Variants in LAMA2 observed in about 807,000 individuals in gnomAD.
LAMA2 encodes the protein laminin subunit alpha-2.
In LAMA2, 269 loss-of-function variants were observed where a neutral mutation model predicts 364.8. The observed-to-expected ratio is 0.74, with a 90% CI of 0.67 to 0.82. The LOEUF (loss-of-function observed/expected upper bound fraction) is 0.82, where lower values mean the gene tolerates loss of function less well. Among genes scored for constraint, LAMA2 ranks in the 40% least tolerant of loss-of-function variants. The pLI is 0.00. For missense variants in LAMA2, 3,807 were observed against 3,873.2 expected, an observed-to-expected ratio of 0.98 and a Z score of 0.45; for synonymous variants, 1,379 against 1,370.6, an observed-to-expected ratio of 1.01 and a Z score of -0.14.
chr6:129,135,185 C>A (rs1027869538), intron 4 of LAMA2, among the ~76,000 whole-genome samples: 1 of 151,820 alleles, frequency 6.6e-6, no homozygotes, highest in Non-Finnish European at 1.5e-5. Flanking sequence ...AACAGGAGGA[C>A]GATAAAGAGG....
intron 18 of LAMA2, among the ~76,000 whole-genome samples, chr6:129,282,265 C>T (rs999618325): frequency 6.6e-6 from 1 of 152,184 alleles, no homozygotes; most frequent in Non-Finnish European, 1.5e-5. Context: ...CTCAGCATTT[C>T]CTAAACTTAT....
chr6:129,434,664 G>T (rs1189979293), intron 41 of LAMA2, among the ~76,000 whole-genome samples: 1 of 152,082 alleles, frequency 6.6e-6, no homozygotes, highest in Non-Finnish European at 1.5e-5. Flanking sequence ...TGAATCACAA[G>T]AGTTCTTTCT....
At chr6:129,203,142 T>C (rs961830240) in intron 12 of LAMA2, among the ~76,000 whole-genome samples, 2 of 152,222 alleles carry the variant, frequency 1.3e-5, no homozygotes, top group Non-Finnish European at 2.9e-5. Context: ...TAAAAAAGGC[T>C]TGCTTCTCCA....
chr6:129,095,964 A>G (rs1295144825), intron 3 of LAMA2, among the ~76,000 whole-genome samples: 1 of 151,644 alleles, frequency 6.6e-6, no homozygotes, highest in Non-Finnish European at 1.5e-5. Context: ...CCTGGCCTCC[A>G]CAAGCCCACA....
At chr6:129,156,982 G>A (rs943533412) in intron 8 of LAMA2, among the ~76,000 whole-genome samples, 14 of 152,092 alleles carry the variant, frequency 9.2e-5, no homozygotes, top group Admixed American at 2.6e-4. Flanking sequence ...GAATCCTGGC[G>A]TGCATGTGCA....
chr6:129,395,953 T>C (rs560982709), intron 37 of LAMA2, among the ~76,000 whole-genome samples: 1 of 152,212 alleles, frequency 6.6e-6, no homozygotes, highest in African/African-American at 2.4e-5. Flanking sequence ...AAAGAGAAGA[T>C]AGGCAGAGTG....
chr6:129,282,060 A>T (rs1788754223), intron 18 of LAMA2, among the ~76,000 whole-genome samples: 1 of 152,146 alleles, frequency 6.6e-6, no homozygotes, highest in African/African-American at 2.4e-5. Flanking sequence ...TCTGTAAGTG[A>T]TTTGTGTGAT....
intron 3 of LAMA2, among the ~76,000 whole-genome samples, chr6:129,095,679 G>C (rs1437618427): frequency 6.6e-6 from 1 of 151,512 alleles, no homozygotes; most frequent in East Asian, 1.9e-4. Flanking sequence ...GTGAGGCTGA[G>C]GCAAGTGGAT....
At chr6:129,356,901 T>C (rs1224146144) in intron 32 of LAMA2, among the ~76,000 whole-genome samples, 2 of 152,138 alleles carry the variant, frequency 1.3e-5, no homozygotes, top group Non-Finnish European at 2.9e-5. Context: ...GTAGAGACTG[T>C]CTTCTATGCA....
chr6:129,465,024 A>C, intron 50 of LAMA2, 121 bp from the exon 51 acceptor site: 1 of 813,000 alleles, frequency 1.2e-6, no homozygotes, highest in Non-Finnish European at 2.1e-6. Context: ...GGATTTCTGC[A>C]ACAGAGTGAC....
At chr6:129,164,452 T>C (rs531394760) in intron 8 of LAMA2, among the ~76,000 whole-genome samples, 1 of 152,334 alleles carries the variant, frequency 6.6e-6, no homozygotes, top group East Asian at 1.9e-4. Context: ...TAATTTATCA[T>C]CTCTACAGGA....
chr6:129,485,080 AT>A (rs1366916594), intron 55 of LAMA2, among the ~76,000 whole-genome samples: 1 of 152,158 alleles, frequency 6.6e-6, no homozygotes, highest in East Asian at 1.9e-4. Flanking sequence ...GCCCTCGTCA[AT>A]TTTTTTGTTT....
chr6:129,486,764 C>T (rs1256895485), intron 56 of LAMA2, 142 bp downstream of exon 56: 1 of 812,178 alleles, frequency 1.2e-6, no homozygotes. Flanking sequence ...TTAATTCCCT[C>T]TTCTTTACTT....
chr6:129,245,526 A>G (rs762710859), intron 12 of LAMA2, among the ~76,000 whole-genome samples: 9 of 152,194 alleles, frequency 5.9e-5, no homozygotes, highest in Non-Finnish European at 1.2e-4. Flanking sequence ...TCGTAAAATT[A>G]ATAAATGAGT....
chr6:129,380,495 AT>A (rs1778620160), intron 34 of LAMA2, among the ~76,000 whole-genome samples: 2 of 152,140 alleles, frequency 1.3e-5, no homozygotes, highest in Admixed American at 1.3e-4. Flanking sequence ...AGGTGAGCCA[AT>A]TACTAAGTAA....
intron 1 of LAMA2, among the ~76,000 whole-genome samples, chr6:128,889,979 C>T (rs536329694): frequency 1.9e-4 from 29 of 152,192 alleles, no homozygotes; most frequent in Admixed American, 5.9e-4. Context: ...TAATCTAGTT[C>T]AAACAACAAG....
chr6:129,457,493 C>CCT (rs1044169739), intron 48 of LAMA2, among the ~76,000 whole-genome samples: 1 of 151,974 alleles, frequency 6.6e-6, no homozygotes, highest in African/African-American at 2.4e-5. Flanking sequence ...TAACCTTAGA[C>CCT]AAGTCACTTA....
chr6:129,060,264 G>T (rs1788805280), intron 3 of LAMA2, among the ~76,000 whole-genome samples: 1 of 152,192 alleles, frequency 6.6e-6, no homozygotes, highest in Non-Finnish European at 1.5e-5. Context: ...TGCTGATGGT[G>T]TGTGCACTTA....
intron 40 of LAMA2, among the ~76,000 whole-genome samples, chr6:129,408,919 C>CA (rs1234541073): frequency 2.6e-5 from 4 of 152,150 alleles, no homozygotes; most frequent in African/African-American, 9.7e-5. Flanking sequence ...CGTTGGTGAG[C>CA]ACTCACATAG....
Sources: gnomAD v4.1 joint callset for allele counts (sites outside exome capture counted in the v4.1 genomes callset) on GRCh38, gnomAD v4.1.1 for gene constraint, MANE v1.5 for transcripts, NCBI Gene and HGNC (gene_info 2026-07-23, HGNC 2026-07-21) for gene names.